R3HCC1L: variants seen among roughly 807,000 people sequenced by gnomAD.
R3HCC1L encodes the protein coiled-coil domain-containing protein R3HCC1L.
A neutral mutation model predicts 59.9 loss-of-function variants in R3HCC1L; 51 were observed. That is an observed-to-expected ratio of 0.85 (90% confidence interval 0.68 to 1.07). The LOEUF is 1.07. Ranked by LOEUF, R3HCC1L falls within the 50% of genes least tolerant of loss-of-function variation. R3HCC1L has a pLI of 0.00. For synonymous variants in R3HCC1L, 322 were observed against 315.2 expected, an observed-to-expected ratio of 1.02 and a Z score of -0.23; for missense variants, 965 against 933.0, an observed-to-expected ratio of 1.03 and a Z score of -0.45.
chr10:98,141,278 A>G (rs1332736095), intron 1 of R3HCC1L, among the ~76,000 whole-genome samples: 1 of 152,232 alleles, frequency 6.6e-6, no homozygotes, highest in Non-Finnish European at 1.5e-5. Flanking sequence ...AGTATCTTAC[A>G]TATCATAGGT....
intron 5 of R3HCC1L, among the ~76,000 whole-genome samples, chr10:98,228,122 G>A (rs1303790093): frequency 6.6e-6 from 1 of 152,148 alleles, no homozygotes; most frequent in Non-Finnish European, 1.5e-5. Context: ...GGGTCAAAAT[G>A]GTATTTCTAG....
At chr10:98,227,558 G>A (rs1855809052) in intron 5 of R3HCC1L, among the ~76,000 whole-genome samples, 1 of 146,846 alleles carries the variant, frequency 6.8e-6, no homozygotes, top group Non-Finnish European at 1.5e-5. Flanking sequence ...TGGTGGCTTT[G>A]GGTCATCAGC....
intron 4 of R3HCC1L, among the ~76,000 whole-genome samples, chr10:98,163,788 T>C (rs941771450): frequency 6.6e-6 from 1 of 152,222 alleles, no homozygotes; most frequent in African/African-American, 2.4e-5. Flanking sequence ...AAGGGTTTGA[T>C]TAACTGATTC....
At chr10:98,168,722 A>T (rs1848207966) in intron 4 of R3HCC1L, among the ~76,000 whole-genome samples, 1 of 152,216 alleles carries the variant, frequency 6.6e-6, no homozygotes, top group Admixed American at 6.5e-5. Flanking sequence ...ATCTGAAAAT[A>T]CCATCTGCAG....
chr10:98,138,225 G>C (rs1028710210), intron 1 of R3HCC1L, among the ~76,000 whole-genome samples: 6 of 151,930 alleles, frequency 3.9e-5, no homozygotes, highest in Admixed American at 6.6e-5. Context: ...TTTTTGATGT[G>C]GTATGCCTGT....
At chr10:98,140,187 T>G (rs1845006294) in intron 1 of R3HCC1L, among the ~76,000 whole-genome samples, 1 of 152,146 alleles carries the variant, frequency 6.6e-6, no homozygotes, top group South Asian at 2.1e-4. Flanking sequence ...AGAAGACTAT[T>G]AAAGAAAGAA....
rs555040544 is a variant in R3HCC1L, at chr10:98,166,191, A to C, written c.-15+2794A>C. ...GTCTCAAAAATCAAACAAACAAACC[A>C]AGAAGAAGCCAGGGAGCTAGCTTGC... On this transcript the variant is annotated intron_variant, in intron 4 of 9. Coordinates refer to ENST00000298999, the MANE Select transcript of R3HCC1L (RefSeq NM_001351015.2). Among the ~76,000 whole-genome samples the C allele has an allele frequency of 5.3e-5, 8 of 152,244 alleles. No individual in the cohort carries two copies. In the East Asian group the frequency reaches 1.5e-3, roughly 29 times the overall value.
intron 1 of R3HCC1L, among the ~76,000 whole-genome samples, chr10:98,153,852 G>A (rs1014737960): frequency 5.3e-5 from 8 of 150,668 alleles, no homozygotes; most frequent in Non-Finnish European, 8.8e-5. Flanking sequence ...TAGGACTCAC[G>A]TGGTTTGCCG....
At chr10:98,225,151 G>A (rs749836490) in intron 5 of R3HCC1L, among the ~76,000 whole-genome samples, 10 of 152,002 alleles carry the variant, frequency 6.6e-5, no homozygotes, top group Non-Finnish European at 1.5e-4. Context: ...TTATTACATA[G>A]CCACATGTGA....
At chr10:98,141,419 G>A (rs1420047781) in intron 1 of R3HCC1L, among the ~76,000 whole-genome samples, 2 of 152,194 alleles carry the variant, frequency 1.3e-5, no homozygotes, top group Non-Finnish European at 2.9e-5. Flanking sequence ...TAGGGGTGGT[G>A]TGTATGTGTG....
At chr10:98,171,367 T>C (rs1003315182) in intron 4 of R3HCC1L, among the ~76,000 whole-genome samples, 1 of 152,224 alleles carries the variant, frequency 6.6e-6, no homozygotes. Flanking sequence ...CTATTCTTAA[T>C]ACAACACTTT....
chr10:98,215,583 C>G (rs562925739), intron 5 of R3HCC1L, among the ~76,000 whole-genome samples: 1 of 152,262 alleles, frequency 6.6e-6, no homozygotes, highest in Non-Finnish European at 1.5e-5. Context: ...ACTTTGATGA[C>G]GCAGCATTTC....
intron 2 of R3HCC1L, among the ~76,000 whole-genome samples, chr10:98,159,042 G>A (rs138773508): frequency 0.017 from 2,537 of 152,264 alleles, 42 homozygotes; most frequent in Non-Finnish European, 0.025. Context: ...CTGGGCTCAA[G>A]TGATCCTCTT....
intron 4 of R3HCC1L, 115 bp from the exon 5 acceptor site, chr10:98,207,986 C>T (rs1852905669): frequency 2.0e-6 from 2 of 995,470 alleles, no homozygotes; most frequent in Non-Finnish European, 2.9e-6. Flanking sequence ...GATCGCTCCA[C>T]TGTACTCTAG....
At chr10:98,202,812 T>C (rs943774723) in intron 4 of R3HCC1L, among the ~76,000 whole-genome samples, 1 of 150,586 alleles carries the variant, frequency 6.6e-6, no homozygotes, top group African/African-American at 2.5e-5. Context: ...GCTGAGATTG[T>C]GCCACTGCAC....
chr10:98,227,802 A>G (rs577524036), intron 5 of R3HCC1L, among the ~76,000 whole-genome samples: 17 of 151,360 alleles, frequency 1.1e-4, no homozygotes, highest in South Asian at 8.4e-4. Context: ...TCATTGTCCA[A>G]TTCCCACCTA....
At chr10:98,167,282 A>C (rs1564638311) in intron 4 of R3HCC1L, among the ~76,000 whole-genome samples, 1 of 152,198 alleles carries the variant, frequency 6.6e-6, no homozygotes, top group South Asian at 2.1e-4. Flanking sequence ...CTAATGAATA[A>C]ACTTTGAAAC....
At chr10:98,211,432 A>T in intron 5 of R3HCC1L, 1 of 1,402,582 alleles carries the variant, frequency 7.1e-7, no homozygotes, top group Non-Finnish European at 9.4e-7. Flanking sequence ...ACTGTTCAGT[A>T]GAGGTTTGAG....
intron 1 of R3HCC1L, among the ~76,000 whole-genome samples, chr10:98,141,581 A>C (rs1319206909): frequency 6.6e-6 from 1 of 152,246 alleles, no homozygotes; most frequent in Non-Finnish European, 1.5e-5. Flanking sequence ...GTTTCTGCAC[A>C]GATGGCTTGC....
Sources: allele counts gnomAD v4.1 joint callset (sites outside exome capture counted in the v4.1 genomes callset), GRCh38; gene constraint gnomAD v4.1.1; transcripts MANE v1.5; gene names NCBI Gene and HGNC (gene_info 2026-07-23, HGNC 2026-07-21).